DISP1: variants seen among roughly 807,000 people sequenced by gnomAD.
The protein encoded by DISP1 is protein dispatched homolog 1.
In DISP1, 30 loss-of-function variants were observed where a neutral mutation model predicts 37.3. The observed-to-expected ratio is 0.80, with a 90% confidence interval of 0.60 to 1.09. The LOEUF (loss-of-function observed/expected upper bound fraction) is 1.09. Among genes scored for constraint, DISP1 ranks in the 50% least tolerant of loss-of-function variants. The probability of loss-of-function intolerance (pLI) is 0.00; values close to 1 mark genes in which losing one functional copy is unlikely to be tolerated. For synonymous variants in DISP1, 634 were observed against 690.2 expected (o/e 0.92, Z 1.28); for missense variants, 1,598 against 1,879.5 (o/e 0.85, Z 2.77).
chr1:222,830,775 G>A (rs1665548235), intron 1 of DISP1, among the ~76,000 whole-genome samples: 1 of 152,210 alleles, frequency 6.6e-6, no homozygotes, highest in Non-Finnish European at 1.5e-5. Context: ...TTAGCAGTTA[G>A]CTTTTAGCGA....
intron 3 of DISP1, among the ~76,000 whole-genome samples, chr1:222,959,984 T>A (rs1675930672): frequency 6.6e-6 from 1 of 152,136 alleles, no homozygotes; most frequent in Non-Finnish European, 1.5e-5. Flanking sequence ...ATAAAACAAG[T>A]TCTTAGAGAC....
chr1:222,978,441 A>C (rs1349422793), intron 3 of DISP1, among the ~76,000 whole-genome samples: 1 of 152,042 alleles, frequency 6.6e-6, no homozygotes, highest in African/African-American at 2.4e-5. Flanking sequence ...AGATGAGTAG[A>C]TTGCAAAAAT....
chr1:223,002,438 C>T lies in DISP1; in HGVS notation c.1041C>T (p.Ser347=). The part of the protein sequence containing the change: ...GDLCQRTTAA[S]CCPSWTLGNY... Reference sequence around the variant, plus strand: ...TCTGCCAGAGGACCACTGCTGCCTCCTGCTGCCCCAGCTGGACACTGGGAA... The same window carrying T: ...TCTGCCAGAGGACCACTGCTGCCTCTTGCTGCCCCAGCTGGACACTGGGAA... Residue 347 remains serine (S), a synonymous_variant, in exon 9 of 9, where the codon TCC becomes TCT. Coordinates refer to ENST00000675850, the MANE Select transcript of DISP1 (RefSeq NM_001377229.1). The T allele has an allele frequency of 3.7e-6, 6 of 1,614,150 alleles. No individual in the cohort carries two copies. Among genetic ancestry groups the T allele is most frequent in the Admixed American group, 1.7e-5 (1 of 60,024 alleles).
intron 3 of DISP1, among the ~76,000 whole-genome samples, chr1:222,977,883 G>T (rs947047513): frequency 5.9e-5 from 9 of 152,204 alleles, no homozygotes; most frequent in African/African-American, 2.2e-4. Context: ...TTTTATGGCT[G>T]CATAGTATTC....
intron 8 of DISP1, among the ~76,000 whole-genome samples, chr1:222,997,741 A>T (rs1187651908): frequency 6.6e-6 from 1 of 152,194 alleles, no homozygotes; most frequent in Non-Finnish European, 1.5e-5. Context: ...GTACAACTAC[A>T]TGTTTTTAGT....
chr1:222,818,344 T>C (rs1341404256), intron 1 of DISP1, among the ~76,000 whole-genome samples: 3 of 152,146 alleles, frequency 2.0e-5, no homozygotes, highest in Non-Finnish European at 4.4e-5. Flanking sequence ...CTTTGTTACC[T>C]GGAGAGGGCT....
At position 222,943,058 on chromosome 1, in the gene DISP1, C is replaced by G; in HGVS notation, c.235C>G (p.Pro79Ala). The G allele has an allele frequency of 6.2e-7, 1 of 1,614,086 alleles. No individual in the cohort carries two copies. The highest frequency in any genetic ancestry group is 2.2e-5 in the East Asian group (1 of 44,888). The change falls in exon 3 of 9, where the codon CCC (proline) becomes GCC (alanine). Residue 79 changes from proline to alanine, a missense_variant. Transcript: ENST00000675850. Reference protein sequence around the residue: ...LDNQRMPQMLPQCCHPCPYHH... With the variant: ...LDNQRMPQMLAQCCHPCPYHH... ...CAACCAAAGAATGCCTCAGATGTTA[C>G]CCCAATGCTGCCATCCTTGCCCATA...
intron 1 of DISP1, among the ~76,000 whole-genome samples, chr1:222,871,187 A>C (rs1272336695): frequency 6.6e-6 from 1 of 152,200 alleles, no homozygotes; most frequent in East Asian, 1.9e-4. Context: ...TATTTTGGTT[A>C]CTGTAGCCTT....
intron 2 of DISP1, among the ~76,000 whole-genome samples, chr1:222,938,733 TAAAAAAAAAAAAAAAAAA>T (rs33948431): frequency 1.7e-5 from 1 of 57,620 alleles, no homozygotes; most frequent in Non-Finnish European, 3.1e-5. Flanking sequence ...ACCCTGTCTT[TAAAAAAAAAAAAAAAAAA>T]AAAAAAAAAA....
At chr1:222,871,318 T>C (rs1309532995) in intron 1 of DISP1, among the ~76,000 whole-genome samples, 1 of 152,210 alleles carries the variant, frequency 6.6e-6, no homozygotes, top group Non-Finnish European at 1.5e-5. Flanking sequence ...TTTTTTCCAA[T>C]TCTGTGAAGA....
At chr1:222,858,464 G>A (rs1340106275) in intron 1 of DISP1, among the ~76,000 whole-genome samples, 1 of 151,972 alleles carries the variant, frequency 6.6e-6, no homozygotes, top group African/African-American at 2.4e-5. Flanking sequence ...TGCAACAAAA[G>A]CAAAAATTGA....
chr1:222,921,638 A>G (rs1672814058), intron 1 of DISP1, among the ~76,000 whole-genome samples: 1 of 152,198 alleles, frequency 6.6e-6, no homozygotes, highest in Non-Finnish European at 1.5e-5. Context: ...AATCAGCAGT[A>G]AAATAGGATT....
intron 3 of DISP1, among the ~76,000 whole-genome samples, chr1:222,949,189 T>G (rs2125510067): frequency 6.6e-6 from 1 of 152,108 alleles, no homozygotes; most frequent in South Asian, 2.1e-4. Flanking sequence ...AGGTCAGGAG[T>G]TCGAGACCAG....
intron 1 of DISP1, among the ~76,000 whole-genome samples, chr1:222,891,991 T>C (rs1670969181): frequency 6.6e-6 from 1 of 151,688 alleles, no homozygotes; most frequent in African/African-American, 2.4e-5. Flanking sequence ...AGAAAATTAA[T>C]GGGGGTGGGG....
chr1:222,885,255 A>C lies in DISP1; in HGVS notation c.-158-43175A>C, dbSNP rs118043948. On this transcript the variant is annotated intron_variant, in intron 1 of 8. Transcript: ENST00000675850. ...GTATGGCCTCATGAATATTTATTTTATTCCATGGCTTATAATCCAATACTG... is the reference window on the plus strand; with the variant it reads ...GTATGGCCTCATGAATATTTATTTTCTTCCATGGCTTATAATCCAATACTG... Among the ~76,000 whole-genome samples the C allele has an allele frequency of 9.8e-3, 1,485 of 152,202 alleles. 56 individuals are homozygous for C. The highest frequency in any genetic ancestry group is 0.08 in the East Asian group (412 of 5,178).
At chr1:222,958,645 T>G (rs1210563434) in intron 3 of DISP1, among the ~76,000 whole-genome samples, 3 of 152,180 alleles carry the variant, frequency 2.0e-5, no homozygotes, top group Non-Finnish European at 4.4e-5. Context: ...ATATATATTT[T>G]AGTCTTCTTT....
intron 3 of DISP1, among the ~76,000 whole-genome samples, chr1:222,960,072 TAGAA>T (rs1441987423): frequency 2.0e-5 from 3 of 152,062 alleles, no homozygotes; most frequent in African/African-American, 7.2e-5. Flanking sequence ...ATCAATGAGA[TAGAA>T]AGTTAACAAG....
chr1:222,910,337 T>C (rs546953540), intron 1 of DISP1, among the ~76,000 whole-genome samples: 1 of 152,248 alleles, frequency 6.6e-6, no homozygotes, highest in South Asian at 2.1e-4. Flanking sequence ...CACTCCAGCC[T>C]GGGGGTCGGA....
At chr1:222,954,987 CCT>C (rs1041340018) in intron 3 of DISP1, among the ~76,000 whole-genome samples, 12 of 152,140 alleles carry the variant, frequency 7.9e-5, no homozygotes, top group South Asian at 2.1e-4. Context: ...CAAGCAATCC[CCT>C]TTGTCTGGAG....
Sources: allele counts gnomAD v4.1 joint callset (sites outside exome capture counted in the v4.1 genomes callset), GRCh38; gene constraint gnomAD v4.1.1; transcripts MANE v1.5; gene names NCBI Gene and HGNC (gene_info 2026-07-23, HGNC 2026-07-21).